Variants in GPC5 observed in about 807,000 individuals in gnomAD.
The protein encoded by GPC5 is glypican 5.
Under a neutral mutation model 53.9 loss-of-function variants are expected in GPC5, and 47 were observed. The ratio of observed to expected loss-of-function variants is 0.87; its 90% CI spans 0.69 to 1.11. The LOEUF (loss-of-function observed/expected upper bound fraction) is 1.11. GPC5 is among the 50% of genes most tolerant of loss of function. The pLI is 0.00. For synonymous variants in GPC5, 286 were observed against 263.3 expected (o/e 1.09, Z -0.84); for missense variants, 748 against 713.1 (o/e 1.05, Z -0.56).
At chr13:92,545,354 A>G (rs1205644411) in intron 7 of GPC5, among the ~76,000 whole-genome samples, 1 of 152,102 alleles carries the variant, frequency 6.6e-6, no homozygotes, top group African/African-American at 2.4e-5. Flanking sequence ...ATTCTTTGCT[A>G]TTGTGAATAG....
chr13:92,785,226 A>G (rs1876177121), intron 7 of GPC5, among the ~76,000 whole-genome samples: 1 of 152,300 alleles, frequency 6.6e-6, no homozygotes, highest in Non-Finnish European at 1.5e-5. Flanking sequence ...CAGTGAGCCA[A>G]GATCAGGCCC....
chr13:91,610,416 C>G (rs2033511340), intron 2 of GPC5, among the ~76,000 whole-genome samples: 2 of 152,190 alleles, frequency 1.3e-5, no homozygotes, highest in East Asian at 1.9e-4. Context: ...CCTTAAATGT[C>G]AGGTTCATTT....
At chr13:91,437,154 G>T (rs1325327857) in intron 1 of GPC5, among the ~76,000 whole-genome samples, 1 of 152,134 alleles carries the variant, frequency 6.6e-6, no homozygotes, top group East Asian at 1.9e-4. Flanking sequence ...TTGCCAGTCC[G>T]TGTCTTTTAA....
chr13:92,078,926 A>G (rs1398928441), intron 6 of GPC5, among the ~76,000 whole-genome samples: 1 of 152,230 alleles, frequency 6.6e-6, no homozygotes, highest in Non-Finnish European at 1.5e-5. Flanking sequence ...ATACACAAAC[A>G]CCTGTGATTT....
chr13:91,779,115 T>G (rs1179256493), intron 5 of GPC5, among the ~76,000 whole-genome samples: 1 of 151,918 alleles, frequency 6.6e-6, no homozygotes, highest in Non-Finnish European at 1.5e-5. Context: ...TCTAGGACAT[T>G]ACTGTACACT....
chr13:92,205,951 A>G (rs944400827), intron 7 of GPC5, among the ~76,000 whole-genome samples: 41 of 150,394 alleles, frequency 2.7e-4, no homozygotes, highest in Non-Finnish European at 4.4e-5. Context: ...CTGAGGAAGG[A>G]CAATCGCTGG....
chr13:91,633,038 A>G (rs186708361), intron 2 of GPC5, among the ~76,000 whole-genome samples: 5 of 152,336 alleles, frequency 3.3e-5, no homozygotes, highest in Admixed American at 3.3e-4. Context: ...ATGAGCATCA[A>G]GAAGTTTTGA....
chr13:92,644,368 G>C (rs1487319876), intron 7 of GPC5, among the ~76,000 whole-genome samples: 1 of 152,112 alleles, frequency 6.6e-6, no homozygotes, highest in African/African-American at 2.4e-5. Context: ...CTTAGTAAGT[G>C]TTCAACAATA....
At chr13:92,293,537 T>G (rs1415827811) in intron 7 of GPC5, among the ~76,000 whole-genome samples, 2 of 151,146 alleles carry the variant, frequency 1.3e-5, no homozygotes, top group East Asian at 3.9e-4. Flanking sequence ...TTTGTGTGCA[T>G]TAATTTTGTA....
intron 6 of GPC5, among the ~76,000 whole-genome samples, chr13:91,910,960 T>A (rs1374052829): frequency 2.0e-5 from 3 of 152,060 alleles, no homozygotes; most frequent in Non-Finnish European, 4.4e-5. Flanking sequence ...AAGAAGAATG[T>A]GCTGGTGGAG....
At chr13:92,375,363 GA>G (rs2043685733) in intron 7 of GPC5, among the ~76,000 whole-genome samples, 1 of 152,114 alleles carries the variant, frequency 6.6e-6, no homozygotes, top group East Asian at 1.9e-4. Flanking sequence ...TATGAAAGTT[GA>G]AATATTCTAG....
At chr13:92,363,323 C>T (rs145310868) in intron 7 of GPC5, among the ~76,000 whole-genome samples, 7 of 151,670 alleles carry the variant, frequency 4.6e-5, no homozygotes, top group African/African-American at 1.2e-4. Context: ...GGCCCTAGAC[C>T]AGAGGTCCCC....
chr13:92,833,736 CACAG>C (rs1878128808), intron 7 of GPC5, among the ~76,000 whole-genome samples: 1 of 152,094 alleles, frequency 6.6e-6, no homozygotes, highest in Non-Finnish European at 1.5e-5. Flanking sequence ...ACAAGGAGAT[CACAG>C]ACAGCCTCAC....
intron 7 of GPC5, among the ~76,000 whole-genome samples, chr13:92,320,044 C>T (rs921683037): frequency 3.9e-5 from 6 of 152,024 alleles, no homozygotes; most frequent in Non-Finnish European, 8.8e-5. Flanking sequence ...AACAGTTCTA[C>T]TTCAAAGTAA....
intron 7 of GPC5, among the ~76,000 whole-genome samples, chr13:92,583,904 T>G (rs1883449048): frequency 6.6e-6 from 1 of 152,154 alleles, no homozygotes; most frequent in Non-Finnish European, 1.5e-5. Context: ...GGAGTTTCCC[T>G]GCACAAGCTC....
intron 7 of GPC5, among the ~76,000 whole-genome samples, chr13:92,409,183 TA>T (rs1875936243): frequency 6.6e-6 from 1 of 151,954 alleles, no homozygotes; most frequent in African/African-American, 2.4e-5. Flanking sequence ...AATTTTACGA[TA>T]TTTGATAGGG....
chr13:92,091,603 C>G (rs1310140724), intron 6 of GPC5, among the ~76,000 whole-genome samples: 1 of 152,014 alleles, frequency 6.6e-6, no homozygotes, highest in Non-Finnish European at 1.5e-5. Context: ...AGTAGAGTAA[C>G]ATAGTACAAA....
intron 7 of GPC5, among the ~76,000 whole-genome samples, chr13:92,369,641 G>A (rs2043634455): frequency 6.6e-6 from 1 of 152,186 alleles, no homozygotes; most frequent in Non-Finnish European, 1.5e-5. Flanking sequence ...ACTATTGCTT[G>A]ATGAATGTCA....
intron 7 of GPC5, among the ~76,000 whole-genome samples, chr13:92,527,157 A>AAAAAGAAAG (rs2138979513): frequency 8.1e-6 from 1 of 124,094 alleles, no homozygotes; most frequent in East Asian, 2.3e-4. Flanking sequence ...AGAAAGAAAG[A>AAAAAGAAAG]AAGAAAGAAA....
Sources: gnomAD v4.1 joint callset for allele counts (sites outside exome capture counted in the v4.1 genomes callset) on GRCh38, gnomAD v4.1.1 for gene constraint, MANE v1.5 for transcripts, NCBI Gene and HGNC (gene_info 2026-07-23, HGNC 2026-07-21) for gene names.